Variants in KCTD1 observed in about 807,000 individuals in gnomAD.
KCTD1 encodes potassium channel tetramerization domain containing 1.
KCTD1 carries 24 observed loss-of-function variants against 66.0 expected under a neutral mutation model. The observed-to-expected ratio is 0.36, with a 90% CI of 0.26 to 0.51. The LOEUF is 0.51. Ranked by LOEUF, KCTD1 falls within the 20% of genes least tolerant of loss-of-function variation. The probability of loss-of-function intolerance (pLI) is 0.95; values close to 1 mark genes in which losing one functional copy is unlikely to be tolerated. For synonymous variants in KCTD1, 511 were observed against 517.2 expected, an observed-to-expected ratio of 0.99 and a Z score of 0.16; for missense variants, 943 against 1,205.2, an observed-to-expected ratio of 0.78 and a Z score of 3.22.
upstream of KCTD1, among the ~76,000 whole-genome samples, chr18:26,643,384 A>G (rs1472161894): frequency 6.6e-6 from 1 of 152,174 alleles, no homozygotes; most frequent in Non-Finnish European, 1.5e-5. Context: ...GGGGGTACAC[A>G]AAAAGATGCG....
intron 1 of KCTD1, among the ~76,000 whole-genome samples, chr18:26,616,154 T>TC (rs1234317756): frequency 2.7e-4 from 29 of 108,534 alleles, no homozygotes; most frequent in Middle Eastern, 4.4e-3. Context: ...TTTTTTTTTT[T>TC]TTCTTCTCTT....
intron 1 of KCTD1, among the ~76,000 whole-genome samples, chr18:26,650,423 C>T (rs1201767728): frequency 3.3e-5 from 5 of 152,212 alleles, no homozygotes; most frequent in Admixed American, 2.0e-4. Context: ...CTGCTCTTAA[C>T]AATATATGGA....
At chr18:26,644,954 T>C (rs545829450), upstream of KCTD1, among the ~76,000 whole-genome samples, 1 of 152,270 alleles carries the variant, frequency 6.6e-6, no homozygotes, top group East Asian at 1.9e-4. Flanking sequence ...TCCATGACAG[T>C]GGGTTGCCCA....
chr18:26,654,792 T>C (rs941934337), intron 1 of KCTD1, among the ~76,000 whole-genome samples: 1 of 152,232 alleles, frequency 6.6e-6, no homozygotes, highest in East Asian at 1.9e-4. Context: ...ATGGTCACCT[T>C]TGCAACCTAA....
intron 2 of KCTD1, among the ~76,000 whole-genome samples, chr18:26,498,158 A>G (rs1347181358): frequency 6.6e-6 from 1 of 152,168 alleles, no homozygotes; most frequent in Non-Finnish European, 1.5e-5. Context: ...ACCTTTCCAT[A>G]GCCAAAGAAC....
chr18:26,649,602 G>A (rs1987991235), intron 1 of KCTD1, among the ~76,000 whole-genome samples: 5 of 152,162 alleles, frequency 3.3e-5, no homozygotes, highest in Admixed American at 3.3e-4. Context: ...TCCGCCTCCT[G>A]GGTTCAAGCG....
intron 1 of KCTD1, chr18:26,657,278 A>G: frequency 2.1e-6 from 2 of 953,998 alleles, no homozygotes; most frequent in South Asian, 9.7e-5. Context: ...TGCCTGGCAC[A>G]TGCGTAAAAG....
chr18:26,488,580 GAA>G, intron 2 of KCTD1, among the ~76,000 whole-genome samples: 1 of 152,294 alleles, frequency 6.6e-6, no homozygotes, highest in East Asian at 1.9e-4. Flanking sequence ...TCCGATCACA[GAA>G]ACAAGTTTGG....
At chr18:26,495,330 G>A (rs1458082189) in intron 2 of KCTD1, among the ~76,000 whole-genome samples, 1 of 152,180 alleles carries the variant, frequency 6.6e-6, no homozygotes, top group Admixed American at 6.5e-5. Flanking sequence ...TCCTCTGAAT[G>A]TATGCACCAA....
intron 1 of KCTD1, among the ~76,000 whole-genome samples, chr18:26,540,624 G>T (rs984927477): frequency 3.3e-5 from 5 of 151,992 alleles, no homozygotes; most frequent in Non-Finnish European, 7.4e-5. Context: ...AGATGACAAG[G>T]AGACCTTTAT....
chr18:26,479,417 C>A (rs890669188), intron 2 of KCTD1, among the ~76,000 whole-genome samples: 4 of 152,242 alleles, frequency 2.6e-5, no homozygotes, highest in East Asian at 1.9e-4. Context: ...AACCGCAGAC[C>A]CCCCGCCAGG....
Position 26,548,217 on chromosome 18 carries a change from G to C in KCTD1, c.320C>G (p.Pro107Arg), listed in dbSNP as rs1323103075. 1.3e-6 allele frequency: 2 copies of C among 1,508,896 alleles called. No individual in the cohort carries two copies. The highest frequency in any genetic ancestry group is 2.0e-5 in the Admixed American group (1 of 49,094). The allele number at this position is 1,508,896 out of a possible 1,614,324, so 93.5% of individuals were successfully genotyped here. Residue 107 changes from proline (P) to arginine (R), a missense_variant, in exon 1 of 5, where the codon CCC becomes CGC. Pro to Arg is a moderately radical substitution (Grantham distance 103, BLOSUM62 -2). Around this residue, in one of 10 missense-constraint regions of KCTD1, gnomAD observed 236 missense variants for 206.6 expected, o/e 1.14. Transcript: ENST00000580059. ...MGLDWDEPLEPEDSAGEELEP... is the reference protein window; with the variant it reads ...MGLDWDEPLEREDSAGEELEP... ...CAGCTCCTCCCCGGCCGAGTCCTCG[G>C]GCTCCAGGGGCTCGTCCCAGTCCAG...
chr18:26,495,980 C>A (rs879340518), intron 2 of KCTD1, among the ~76,000 whole-genome samples: 4 of 152,094 alleles, frequency 2.6e-5, no homozygotes, highest in Non-Finnish European at 5.9e-5. Flanking sequence ...GACGTGTTTT[C>A]TTTTAAAGCA....
At chr18:26,496,499 CCT>C (rs758891091) in intron 2 of KCTD1, among the ~76,000 whole-genome samples, 11 of 152,086 alleles carry the variant, frequency 7.2e-5, no homozygotes, top group Non-Finnish European at 1.5e-4. Flanking sequence ...TGGAGATTAA[CCT>C]CTGTCTCAGA....
intron 2 of KCTD1, among the ~76,000 whole-genome samples, chr18:26,489,531 T>C (rs1456678789): frequency 1.3e-5 from 2 of 151,528 alleles, no homozygotes; most frequent in African/African-American, 4.8e-5. Context: ...TACAGGCCAT[T>C]GTGCCTGGCC....
intron 1 of KCTD1, among the ~76,000 whole-genome samples, chr18:26,650,302 TC>T (rs1233817063): frequency 1.3e-5 from 2 of 152,178 alleles, no homozygotes; most frequent in Non-Finnish European, 2.9e-5. Context: ...TATTCTTGCG[TC>T]CCCTGAAATT....
chr18:26,547,543 C>G lies in KCTD1; in HGVS notation c.994G>C (p.Asp332His). 6.4e-7 allele frequency: 1 copy of G among 1,551,662 alleles called. No individual in the cohort carries two copies. The highest frequency in any genetic ancestry group is 8.7e-7 in the Non-Finnish European group (1 of 1,146,970). The change falls in exon 1 of 5, where the codon GAC becomes CAC. Residue 332 changes from aspartate to histidine, a missense_variant. Asp to His is a moderately conservative substitution (Grantham distance 81). Transcript: ENST00000580059. ...GRENQRELEE[D>H]SFGLAMDEDG... ...TCGTCCATGGCCAGCCCAAAAGAGT[C>G]CTCCTCCAACTCACGCTGGTTCTCG...
intron 1 of KCTD1, among the ~76,000 whole-genome samples, chr18:26,517,323 T>C (rs567958147): frequency 7.6e-4 from 115 of 152,222 alleles, no homozygotes; most frequent in African/African-American, 2.6e-3. Flanking sequence ...GTTCTCATGA[T>C]AGTGAATAAG....
intron 2 of KCTD1, among the ~76,000 whole-genome samples, chr18:26,498,414 T>C (rs934598070): frequency 6.6e-6 from 1 of 150,752 alleles, no homozygotes; most frequent in Non-Finnish European, 1.5e-5. Context: ...ATCTGTTTCA[T>C]AGTTCAGCGC....
Sources: gnomAD v4.1 joint callset for allele counts (sites outside exome capture counted in the v4.1 genomes callset) on GRCh38, gnomAD v4.1.1 for gene constraint, gnomAD v4.1.1 regional missense constraint, MANE v1.5 for transcripts, NCBI Gene and HGNC (gene_info 2026-07-23, HGNC 2026-07-21) for gene names.